Variants in COG5 observed in about 807,000 individuals in gnomAD.
The protein encoded by COG5 is component of oligomeric golgi complex 5.
In COG5, 86 loss-of-function variants were observed where a neutral mutation model predicts 110.4. The ratio of observed to expected loss-of-function variants is 0.78; its 90% confidence interval spans 0.65 to 0.93. COG5 has a LOEUF of 0.93. Ranked by LOEUF, COG5 falls within the 40% of genes least tolerant of loss-of-function variation. COG5 has a pLI of 0.00. For synonymous variants in COG5, 360 were observed against 334.6 expected, an observed-to-expected ratio of 1.08 and a Z score of -0.83; for missense variants, 1,077 against 987.0, an observed-to-expected ratio of 1.09 and a Z score of -1.22.
intron 11 of COG5, among the ~76,000 whole-genome samples, chr7:107,324,088 T>A (rs980702296): frequency 6.6e-6 from 1 of 152,220 alleles, no homozygotes; most frequent in East Asian, 1.9e-4. Flanking sequence ...CTTTTAGTTA[T>A]ACACTAATTC....
Position 107,201,674 on chromosome 7 carries a change from T to C in COG5, c.*1842A>G, listed in dbSNP as rs1451158477. On this transcript the variant is annotated 3_prime_UTR_variant, in exon 22 of 22. Transcript: ENST00000297135. ...TTATTTTTCTTCCAAACTTCATATA[T>C]GTCTATCAGGTAATAATAGGCTTGA... 1.8e-5 allele frequency: 7 copies of C among 394,978 alleles called. No individual in the cohort carries two copies. The highest frequency in any genetic ancestry group is 3.2e-5 in the Non-Finnish European group (7 of 220,116). 24.5% of individuals were successfully genotyped at this position (394,978 alleles called of 1,614,324 possible). A position where few individuals can be genotyped will look rare whatever the true frequency, so the allele number is the denominator to read the frequency against.
chr7:107,340,205 C>A (rs1453373016), intron 10 of COG5, among the ~76,000 whole-genome samples: 2 of 151,976 alleles, frequency 1.3e-5, no homozygotes, highest in African/African-American at 2.4e-5. Context: ...ACAACCGATC[C>A]CACAGAAATA....
chr7:107,428,249 C>T (rs1401283422), intron 6 of COG5, among the ~76,000 whole-genome samples: 5 of 151,948 alleles, frequency 3.3e-5, no homozygotes, highest in Non-Finnish European at 7.4e-5. Flanking sequence ...AGGGACCTGC[C>T]CCTGTCTGCT....
intron 11 of COG5, among the ~76,000 whole-genome samples, chr7:107,316,147 A>G (rs1808717329): frequency 6.6e-6 from 1 of 152,220 alleles, no homozygotes; most frequent in South Asian, 2.1e-4. Context: ...TTTACATAAA[A>G]AGAGAGAGAG....
chr7:107,246,958 T>A (rs1415019236), intron 17 of COG5, among the ~76,000 whole-genome samples: 1 of 152,174 alleles, frequency 6.6e-6, no homozygotes, highest in Non-Finnish European at 1.5e-5. Flanking sequence ...AGCAAAGACA[T>A]GCAATCAACC....
intron 8 of COG5, among the ~76,000 whole-genome samples, chr7:107,364,587 G>T (rs1186123382): frequency 6.6e-6 from 1 of 152,092 alleles, no homozygotes; most frequent in Non-Finnish European, 1.5e-5. Context: ...AAATTGAAAG[G>T]CATACATTTC....
intron 11 of COG5, among the ~76,000 whole-genome samples, chr7:107,301,090 G>A (rs1807226958): frequency 6.6e-6 from 1 of 152,064 alleles, no homozygotes; most frequent in South Asian, 2.1e-4. Flanking sequence ...CAATTGAATA[G>A]CTATATGCAA....
chr7:107,283,048 AT>A (rs1342595379), intron 13 of COG5, among the ~76,000 whole-genome samples: 1 of 152,194 alleles, frequency 6.6e-6, no homozygotes, highest in African/African-American at 2.4e-5. Flanking sequence ...ATATAATTAC[AT>A]TGTCTGCAGG....
chr7:107,369,097 C>T (rs536844098), intron 8 of COG5, among the ~76,000 whole-genome samples: 1 of 152,270 alleles, frequency 6.6e-6, no homozygotes, highest in Non-Finnish European at 1.5e-5. Flanking sequence ...CCATGCCCAG[C>T]ACTGGTATCT....
chr7:107,270,646 C>A (rs906839955), intron 14 of COG5, among the ~76,000 whole-genome samples: 2 of 151,464 alleles, frequency 1.3e-5, no homozygotes, highest in Non-Finnish European at 3.0e-5. Flanking sequence ...CACACACACA[C>A]CCCTTTACTC....
chr7:107,208,025 T>C (rs1411902778), intron 21 of COG5: 2 of 985,320 alleles, frequency 2.0e-6, no homozygotes, highest in Non-Finnish European at 2.4e-6. Context: ...CCTCGGTTTG[T>C]CTACAGGGGA....
intron 19 of COG5, among the ~76,000 whole-genome samples, chr7:107,224,671 T>C (rs1376216077): frequency 6.6e-6 from 1 of 152,200 alleles, no homozygotes; most frequent in Non-Finnish European, 1.5e-5. Context: ...GGTCACAGCT[T>C]TGTGGCCTCT....
intron 10 of COG5, among the ~76,000 whole-genome samples, chr7:107,344,890 T>C (rs545017871): frequency 2.0e-5 from 3 of 152,302 alleles, no homozygotes; most frequent in African/African-American, 7.2e-5. Context: ...TCAAGAACTT[T>C]TCCTTTGCAT....
intron 6 of COG5, among the ~76,000 whole-genome samples, chr7:107,492,322 G>T (rs553795417): frequency 2.5e-4 from 38 of 152,104 alleles, no homozygotes; most frequent in African/African-American, 8.7e-4. Flanking sequence ...TACAAATGCT[G>T]CATGTATTAG....
At chr7:107,448,010 G>A (rs1428173524) in intron 6 of COG5, among the ~76,000 whole-genome samples, 1 of 152,122 alleles carries the variant, frequency 6.6e-6, no homozygotes, top group Non-Finnish European at 1.5e-5. Flanking sequence ...ACAAAAATTA[G>A]TTGGGCGTGG....
chr7:107,324,414 A>G, intron 11 of COG5, 26 bp downstream of exon 11: 1 of 1,401,980 alleles, frequency 7.1e-7, no homozygotes, highest in Non-Finnish European at 1.0e-6. Context: ...TTTGAAATTA[A>G]TTTTCAAAAT....
intron 7 of COG5, among the ~76,000 whole-genome samples, chr7:107,407,547 C>G (rs1018854704): frequency 1.3e-5 from 2 of 149,600 alleles, no homozygotes; most frequent in African/African-American, 4.9e-5. Context: ...TACATCAAAA[C>G]ATATATATAT....
chr7:107,417,549 T>C (rs1792951564), intron 6 of COG5, among the ~76,000 whole-genome samples: 3 of 152,108 alleles, frequency 2.0e-5, no homozygotes, highest in Non-Finnish European at 4.4e-5. Context: ...TCCAGAATTA[T>C]TTTCTTGGGA....
intron 6 of COG5, among the ~76,000 whole-genome samples, chr7:107,433,756 G>C (rs1295469208): frequency 6.6e-6 from 1 of 152,080 alleles, no homozygotes; most frequent in African/African-American, 2.4e-5. Flanking sequence ...TCATGGCATT[G>C]AATCTGGCAA....
Sources: allele counts gnomAD v4.1 joint callset (sites outside exome capture counted in the v4.1 genomes callset), GRCh38; gene constraint gnomAD v4.1.1; transcripts MANE v1.5; gene names NCBI Gene and HGNC (gene_info 2026-07-23, HGNC 2026-07-21).